The following KLHL5 variants were observed in gnomAD, a reference collection of about 807,000 sequenced individuals.
KLHL5 encodes the protein kelch like family member 5.
KLHL5 carries 48 observed loss-of-function variants against 77.7 expected under a neutral mutation model. The ratio of observed to expected loss-of-function variants is 0.62; its 90% CI spans 0.49 to 0.79. KLHL5 has a LOEUF of 0.79. Ranked by LOEUF, KLHL5 falls within the 30% of genes least tolerant of loss-of-function variation. The pLI is 0.00. For missense variants in KLHL5, 723 were observed against 859.7 expected (o/e 0.84, Z 1.99); for synonymous variants, 260 against 297.0 (o/e 0.88, Z 1.28).
chr4:39,077,664 C>A (rs1287083444), intron 2 of KLHL5, among the ~76,000 whole-genome samples: 1 of 138,802 alleles, frequency 7.2e-6, no homozygotes, highest in Non-Finnish European at 1.5e-5. Context: ...CTACAGAAAA[C>A]AGTGTGGATA....
At chr4:39,089,007 C>G (rs973768538) in intron 5 of KLHL5, among the ~76,000 whole-genome samples, 13 of 152,048 alleles carry the variant, frequency 8.5e-5, no homozygotes, top group African/African-American at 3.1e-4. Flanking sequence ...TGAGGAAGCA[C>G]TAAAGGATAT....
chr4:39,047,378 A>T (rs890953184), intron 1 of KLHL5, among the ~76,000 whole-genome samples: 1 of 152,242 alleles, frequency 6.6e-6, no homozygotes. Context: ...AGATGGTGCC[A>T]CTGCACTCCA....
At chr4:39,127,023 C>A (rs1272991616), downstream of KLHL5, among the ~76,000 whole-genome samples, 2 of 152,118 alleles carry the variant, frequency 1.3e-5, no homozygotes, top group Non-Finnish European at 2.9e-5. Flanking sequence ...GCTTTAAGGT[C>A]CATAAATACC....
At chr4:39,096,190 T>C (rs1272973211) in intron 5 of KLHL5, among the ~76,000 whole-genome samples, 2,214 of 152,242 alleles carry the variant, frequency 0.015, 53 homozygotes, top group African/African-American at 0.051. Context: ...AAAAGGGATT[T>C]TAATGTTTTT....
At chr4:39,059,784 A>AACT (rs1383222706), upstream of KLHL5, among the ~76,000 whole-genome samples, 8 of 152,156 alleles carry the variant, frequency 5.3e-5, no homozygotes, top group Non-Finnish European at 1.2e-4. Flanking sequence ...CTGTAGTCCC[A>AACT]ACTACTCAGG....
downstream of KLHL5, among the ~76,000 whole-genome samples, chr4:39,126,234 C>G (rs897426009): frequency 6.6e-6 from 1 of 152,086 alleles, no homozygotes; most frequent in Admixed American, 6.5e-5. Context: ...TTCACTGTGA[C>G]TAGATAATAC....
At chr4:39,047,119 A>G (rs1470797626) in intron 1 of KLHL5, among the ~76,000 whole-genome samples, 1 of 152,156 alleles carries the variant, frequency 6.6e-6, no homozygotes, top group African/African-American at 2.4e-5. Context: ...CACTGAACCT[A>G]GAAAAATAGA....
chr4:39,103,098 G>A (rs1326326517), intron 6 of KLHL5, among the ~76,000 whole-genome samples, 189 bp from the exon 7 acceptor site: 1 of 152,108 alleles, frequency 6.6e-6, no homozygotes, highest in African/African-American at 2.4e-5. Flanking sequence ...GCCTGTGTAT[G>A]CCCTGGAGAA....
chr4:39,124,528 T>C lies in KLHL5; in HGVS notation c.*3462T>C, dbSNP rs138883952. Reference sequence around the variant, plus strand: ...AATTACGCCAATACACTATGGTCAATTGATTTTTGACAAGGGTTCCAGGAC... The same window carrying C: ...AATTACGCCAATACACTATGGTCAACTGATTTTTGACAAGGGTTCCAGGAC... On this transcript the variant is annotated 3_prime_UTR_variant, in exon 11 of 11. Transcript: ENST00000504108. Among the ~76,000 whole-genome samples, 18 of 152,194 alleles carry C rather than the reference T, an allele frequency of 1.2e-4. No individual in the cohort carries two copies. Among genetic ancestry groups the C allele is most frequent in the African/African-American group, 4.1e-4 (17 of 41,550 alleles).
chr4:39,054,061 G>T (rs28500681), intron 1 of KLHL5, among the ~76,000 whole-genome samples: 1 of 152,042 alleles, frequency 6.6e-6, no homozygotes, highest in Non-Finnish European at 1.5e-5. Context: ...CCCCCTCCCC[G>T]CTGCCTTTTG....
intron 5 of KLHL5, chr4:39,093,043 G>A: frequency 2.2e-6 from 1 of 454,736 alleles, no homozygotes; most frequent in South Asian, 1.6e-5. Flanking sequence ...ACAAAGACTT[G>A]GACATAAACG....
chr4:39,117,555 T>A (rs1168388434), intron 10 of KLHL5, among the ~76,000 whole-genome samples: 1 of 152,186 alleles, frequency 6.6e-6, no homozygotes, highest in Non-Finnish European at 1.5e-5. Flanking sequence ...CTTGTTGATC[T>A]TTCTTTATAT....
intron 1 of KLHL5, among the ~76,000 whole-genome samples, chr4:39,055,074 A>G (rs993664195): frequency 1.3e-5 from 2 of 152,218 alleles, no homozygotes; most frequent in African/African-American, 4.8e-5. Flanking sequence ...TAAAAATTCT[A>G]TCAAGTTGGA....
At chr4:39,105,710 A>C (rs1721975795) in intron 7 of KLHL5, among the ~76,000 whole-genome samples, 2 of 143,810 alleles carry the variant, frequency 1.4e-5, no homozygotes, top group African/African-American at 5.2e-5. Context: ...GCATATTTAT[A>C]TACACATATA....
rs145615046 is a variant in KLHL5 at position 39,102,627 on chromosome 4, A to G, written c.1301-660A>G. 3.9e-5 allele frequency among the ~76,000 whole-genome samples: 6 copies of G among 152,002 alleles called. No homozygotes were observed. The East Asian group carries it at 1.2e-3, about 29-fold the overall frequency. Reference sequence around the variant, plus strand: ...CATTATGTTCGTTATGATCCCTTTCATCTCCTGTATTTTTAGCTGCTTTCC... The same window carrying G: ...CATTATGTTCGTTATGATCCCTTTCGTCTCCTGTATTTTTAGCTGCTTTCC... On this transcript the variant is annotated intron_variant, in intron 6 of 10. Coordinates refer to ENST00000504108, the MANE Select transcript of KLHL5 (RefSeq NM_015990.5).
At chr4:39,092,087 C>G (rs183630991) in intron 5 of KLHL5, among the ~76,000 whole-genome samples, 6 of 151,850 alleles carry the variant, frequency 4.0e-5, no homozygotes, top group Non-Finnish European at 5.9e-5. Context: ...TGAACAAATA[C>G]GAAAGTGAGG....
At chr4:39,140,723 G>A in the KLHL5 span, among the ~76,000 whole-genome samples, 1 of 152,144 alleles carries the variant, frequency 6.6e-6, no homozygotes, top group African/African-American at 2.4e-5. Flanking sequence ...ATTGAAAACT[G>A]CACATCTGAT....
chr4:39,099,702 A>G (rs1329071152), intron 6 of KLHL5, among the ~76,000 whole-genome samples: 12 of 152,216 alleles, frequency 7.9e-5, no homozygotes, highest in Non-Finnish European at 1.6e-4. Context: ...TTCCATGACC[A>G]TTCAATAGCA....
chr4:39,114,462 T>C (rs1722688167), intron 9 of KLHL5, among the ~76,000 whole-genome samples: 1 of 107,402 alleles, frequency 9.3e-6, no homozygotes, highest in South Asian at 2.9e-4. Flanking sequence ...CAATTAAATT[T>C]CAACGTTGAG....
Sources: allele counts gnomAD v4.1 joint callset (sites outside exome capture counted in the v4.1 genomes callset), GRCh38; gene constraint gnomAD v4.1.1; transcripts MANE v1.5; gene names NCBI Gene and HGNC (gene_info 2026-07-23, HGNC 2026-07-21).